HSP90AA1: variants seen among roughly 807,000 people sequenced by gnomAD.
HSP90AA1 encodes heat shock protein 90 alpha family class A member 1.
In HSP90AA1, 18 loss-of-function variants were observed where a neutral mutation model predicts 73.3. That is an observed-to-expected ratio of 0.25 (90% confidence interval 0.17 to 0.36). The LOEUF (loss-of-function observed/expected upper bound fraction) is 0.36, where lower values mean the gene tolerates loss of function less well. Among genes scored for constraint, HSP90AA1 ranks in the 10% least tolerant of loss-of-function variants. HSP90AA1 has a pLI of 1.00. For missense variants in HSP90AA1, 704 were observed against 874.2 expected, an observed-to-expected ratio of 0.81 and a Z score of 2.45; for synonymous variants, 477 against 296.9, an observed-to-expected ratio of 1.61 and a Z score of -6.24.
chr14:102,121,721 G>A (rs1221905068), intron 1 of HSP90AA1, among the ~76,000 whole-genome samples: 1 of 152,146 alleles, frequency 6.6e-6, no homozygotes, highest in African/African-American at 2.4e-5. Flanking sequence ...GAGCACCCTG[G>A]AGTGGGGAAA....
Position 102,081,458 on chromosome 14 carries a change from C to G in HSP90AA1, c.*254G>C. 3.6e-6 allele frequency: 2 copies of G among 554,618 alleles called. No individual in the cohort carries two copies. The highest frequency in any genetic ancestry group is 6.4e-6 in the Non-Finnish European group (2 of 310,508). The allele number at this position is 554,618 out of a possible 1,614,324, so 34.4% of individuals were successfully genotyped here. A position where few individuals can be genotyped will look rare whatever the true frequency, so the allele number is the denominator to read the frequency against. ...CACAAAGTTAACATCATGTTACATA[C>G]GTCTTACAGTGCACGTTACCCCAAT... On this transcript the variant is annotated 3_prime_UTR_variant, in exon 11 of 11. Transcript: ENST00000216281.
intron 2 of HSP90AA1, among the ~76,000 whole-genome samples, chr14:102,098,113 C>G (rs188028611): frequency 6.6e-6 from 1 of 152,056 alleles, no homozygotes; most frequent in African/African-American, 2.4e-5. Context: ...CCTTGACTGA[C>G]CTGGGGGCAA....
Position 102,081,221 on chromosome 14 carries a change from G to A in HSP90AA1, c.*491C>T, listed in dbSNP as rs1340608264. 8.2e-6 allele frequency: 2 copies of A among 244,890 alleles called. No individual in the cohort carries two copies. The highest frequency in any genetic ancestry group is 4.4e-5 in the African/African-American group (2 of 45,094). 15.2% of individuals were successfully genotyped at this position (244,890 alleles called of 1,614,324 possible). ...TTTTCTTTGGAAAACAAGCCCTGTG[G>A]AGAGATCCTTCCATCAAGTTGCTTC... On this transcript the variant is annotated 3_prime_UTR_variant, in exon 11 of 11. Transcript: ENST00000216281.
intron 2 of HSP90AA1, among the ~76,000 whole-genome samples, chr14:102,100,859 C>G (rs1273151965): frequency 1.3e-5 from 2 of 152,248 alleles, no homozygotes; most frequent in Admixed American, 1.3e-4. Context: ...ACTTCAATTT[C>G]CTCATCTGTG....
At chr14:102,139,245 G>A (rs1403458120) in intron 1 of HSP90AA1, 4 of 1,614,084 alleles carry the variant, frequency 2.5e-6, no homozygotes. Context: ...TGAGTCCCTT[G>A]GTACCTTCTC....
At chr14:102,092,364 CTAT>C (rs1009312482) in intron 2 of HSP90AA1, among the ~76,000 whole-genome samples, 4 of 152,066 alleles carry the variant, frequency 2.6e-5, no homozygotes, top group African/African-American at 9.7e-5. Flanking sequence ...AGCCACCATG[CTAT>C]TATTGATTTC....
chr14:102,116,627 A>G (rs1276497554), intron 1 of HSP90AA1, among the ~76,000 whole-genome samples: 2 of 152,128 alleles, frequency 1.3e-5, no homozygotes, highest in Admixed American at 1.3e-4. Flanking sequence ...ACTCTAGCCT[A>G]CTGCCACTGC....
intron 3 of HSP90AA1, 77 bp from the exon 4 acceptor site, chr14:102,085,508 T>C (rs1315518247): frequency 3.5e-6 from 5 of 1,418,382 alleles, no homozygotes; most frequent in South Asian, 1.2e-5. Flanking sequence ...CCTTATAACG[T>C]GTCTATAAAG....
rs1409036371 is a variant in HSP90AA1, at chr14:102,085,168, GAGTT to G, written c.663+126_663+129del. On this transcript the variant is annotated intron_variant, in intron 4 of 10. Transcript: ENST00000216281. ...CTTAATAGCCCGAGGAACTTTTACA[GAGTT>G]AGGTAGTAGAGCTTAGGTTCCCCAG... 1.1e-5 allele frequency: 16 copies of G among 1,428,604 alleles called. No individual in the cohort carries two copies. In the Admixed American group the frequency reaches 1.4e-4, roughly 13 times the overall value. The allele number at this position is 1,428,604 out of a possible 1,614,324, so 88.5% of individuals were successfully genotyped here.
At chr14:102,106,971 A>C (rs1390221948) in intron 1 of HSP90AA1, among the ~76,000 whole-genome samples, 1 of 152,004 alleles carries the variant, frequency 6.6e-6, no homozygotes, top group Non-Finnish European at 1.5e-5. Flanking sequence ...ATTTGCCAGA[A>C]ATTCTAAGGA....
chr14:102,087,932 T>G (rs2049286281), upstream of HSP90AA1, among the ~76,000 whole-genome samples: 1 of 104,352 alleles, frequency 9.6e-6, no homozygotes, highest in Non-Finnish European at 1.8e-5. Flanking sequence ...CCCTAAAAGG[T>G]TTTTTTTTTT....
At chr14:102,106,681 T>C (rs1371261372) in intron 1 of HSP90AA1, among the ~76,000 whole-genome samples, 1 of 151,556 alleles carries the variant, frequency 6.6e-6, no homozygotes. Flanking sequence ...GTAGCTGAGA[T>C]TACAGGCGCC....
rs1566746015 is a variant in HSP90AA1, at chr14:102,139,398, G to C, written c.7C>G (p.Pro3Ala). 2.6e-6 allele frequency: 4 copies of C among 1,567,184 alleles called. No individual in the cohort carries two copies. The East Asian group carries it at 9.2e-5, about 36-fold the overall frequency. Residue 3 changes from proline (P) to alanine (A), a missense_variant, in exon 1 of 12, where the codon CCG becomes GCG. By Grantham distance (27) the Pro-to-Ala change is conservative (BLOSUM62 -1). Transcript: ENST00000334701. ...GTGGAGCCGTCCCCGCCCGAACACG[G>C]GGGCATCCGCGCTCCCCGTAGGGTA... is the stretch of plus-strand genomic sequence containing the variant.
At chr14:102,121,481 C>T (rs1458656289) in intron 1 of HSP90AA1, among the ~76,000 whole-genome samples, 2 of 152,096 alleles carry the variant, frequency 1.3e-5, no homozygotes, top group Non-Finnish European at 2.9e-5. Flanking sequence ...CAGAAATGAT[C>T]AAATTGCCCT....
At chr14:102,127,020 T>C (rs1295418423) in intron 1 of HSP90AA1, among the ~76,000 whole-genome samples, 1 of 147,108 alleles carries the variant, frequency 6.8e-6, no homozygotes, top group Non-Finnish European at 1.5e-5. Context: ...GATGAGGCTC[T>C]TCAGAGAGTG....
At chr14:102,088,467 C>T (rs565812479), upstream of HSP90AA1, among the ~76,000 whole-genome samples, 74 of 152,338 alleles carry the variant, frequency 4.9e-4, 1 homozygote, top group African/African-American at 1.7e-3. Flanking sequence ...TTTCAGACTG[C>T]GGCCTGGGAC....
chr14:102,086,980 C>T lies in HSP90AA1; in HGVS notation c.-1+6G>A. 1 of 985,278 alleles carries T rather than the reference C, an allele frequency of 1.0e-6. No individual in the cohort carries two copies. Among genetic ancestry groups the T allele is most frequent in the Non-Finnish European group, 1.2e-6 (1 of 830,056 alleles). The allele number at this position is 985,278 out of a possible 1,614,324, so 61.0% of individuals were successfully genotyped here. A position where few individuals can be genotyped will look rare whatever the true frequency, so the allele number is the denominator to read the frequency against. On this transcript the variant is annotated splice_donor_region_variant and intron_variant, in intron 1 of 10. Coordinates refer to ENST00000216281, the MANE Select transcript of HSP90AA1 (RefSeq NM_005348.4). ...ACCTCCACAGGCCCCCACAACCACCCGTCACCTTGGCTAAGTGACCGCACA... is the reference window on the plus strand; with the variant it reads ...ACCTCCACAGGCCCCCACAACCACCTGTCACCTTGGCTAAGTGACCGCACA...
upstream of HSP90AA1, chr14:102,087,275 G>T: frequency 1.9e-6 from 1 of 532,358 alleles, no homozygotes; most frequent in Non-Finnish European, 2.4e-6. Flanking sequence ...GCCGCCGCGC[G>T]CCTCTCGCAC....
chr14:102,131,768 T>A (rs1426556540), intron 1 of HSP90AA1, among the ~76,000 whole-genome samples: 1 of 152,198 alleles, frequency 6.6e-6, no homozygotes, highest in Non-Finnish European at 1.5e-5. Flanking sequence ...CTGACCTACT[T>A]CTTCTTCCTA....
Sources: gnomAD v4.1 joint callset for allele counts (sites outside exome capture counted in the v4.1 genomes callset) on GRCh38, gnomAD v4.1.1 for gene constraint, MANE v1.5 for transcripts, NCBI Gene and HGNC (gene_info 2026-07-23, HGNC 2026-07-21) for gene names.